Variants in CCNH observed in about 807,000 individuals in gnomAD.
The protein encoded by CCNH is cyclin-H.
CCNH carries 31 observed loss-of-function variants against 41.9 expected under a neutral mutation model. The observed-to-expected ratio is 0.74, with a 90% CI of 0.56 to 1.00. The LOEUF is 1.00. Ranked by LOEUF, CCNH falls within the 50% of genes least tolerant of loss-of-function variation. The pLI is 0.00. For missense variants in CCNH, 362 were observed against 388.4 expected (o/e 0.93, Z 0.57); for synonymous variants, 138 against 136.1 (o/e 1.01, Z -0.10).
At chr5:87,410,494 A>C (rs879493197) in intron 2 of CCNH, among the ~76,000 whole-genome samples, 1 of 152,168 alleles carries the variant, frequency 6.6e-6, no homozygotes, top group Admixed American at 6.5e-5. Context: ...TTTCCTAGAA[A>C]ATTATTCTCT....
At chr5:87,313,867 G>C (rs142301470), downstream of CCNH, among the ~76,000 whole-genome samples, 11 of 152,214 alleles carry the variant, frequency 7.2e-5, no homozygotes, top group African/African-American at 2.6e-4. Flanking sequence ...GATCAAAGAG[G>C]TCTGAAAATG....
intron 9 of CCNH, among the ~76,000 whole-genome samples, chr5:87,347,892 T>C (rs1209798157): frequency 6.6e-6 from 1 of 152,004 alleles, no homozygotes; most frequent in Non-Finnish European, 1.5e-5. Flanking sequence ...CTTGAGGTAC[T>C]TTTGTTTTAA....
At chr5:87,363,280 T>C in intron 9 of CCNH, 1 of 1,352,832 alleles carries the variant, frequency 7.4e-7, no homozygotes, top group Non-Finnish European at 1.0e-6. Context: ...TTAGAAACAC[T>C]AATTTTAATA....
upstream of CCNH, among the ~76,000 whole-genome samples, chr5:87,381,877 C>T (rs1238551963): frequency 6.6e-6 from 1 of 152,168 alleles, no homozygotes; most frequent in South Asian, 2.1e-4. Flanking sequence ...CATAGACCTA[C>T]TATGTATAAT....
intron 9 of CCNH, among the ~76,000 whole-genome samples, chr5:87,356,383 A>AGTTT (rs1554047341): frequency 7.1e-6 from 1 of 141,722 alleles, no homozygotes; most frequent in African/African-American, 2.6e-5. Context: ...GATGATTGTT[A>AGTTT]TTTTTTTTTT....
chr5:87,378,327 T>G (rs34110590), upstream of CCNH: 45,008 of 1,555,348 alleles, frequency 0.029, 822 homozygotes, highest in Non-Finnish European at 0.035. Flanking sequence ...ATGAATTCAC[T>G]TAATTTCCAA....
intron 9 of CCNH, among the ~76,000 whole-genome samples, chr5:87,348,580 T>C (rs1759027990): frequency 1.3e-5 from 2 of 152,020 alleles, no homozygotes; most frequent in African/African-American, 2.4e-5. Flanking sequence ...ATTTCAGTTG[T>C]TTTGAATCTA....
intron 9 of CCNH, among the ~76,000 whole-genome samples, chr5:87,323,249 A>C (rs1487699878): frequency 6.6e-6 from 1 of 152,208 alleles, no homozygotes; most frequent in Non-Finnish European, 1.5e-5. Context: ...AAATAGGAGA[A>C]ACACTTTGAG....
upstream of CCNH, chr5:87,380,428 G>A (rs141902093): frequency 5.7e-4 from 702 of 1,232,208 alleles, 4 homozygotes; most frequent in African/African-American, 9.4e-3. Context: ...TGGTATATTT[G>A]GGTAAATTAA....
downstream of CCNH, among the ~76,000 whole-genome samples, chr5:87,375,639 A>G (rs1402640774): frequency 6.6e-6 from 1 of 152,200 alleles, no homozygotes; most frequent in African/African-American, 2.4e-5. Flanking sequence ...TATGTCACTT[A>G]TTCACTTCTG....
intron 4 of CCNH, among the ~76,000 whole-genome samples, chr5:87,405,511 C>T (rs576928904): frequency 6.6e-6 from 1 of 152,190 alleles, no homozygotes; most frequent in African/African-American, 2.4e-5. Flanking sequence ...ATAAAATAAA[C>T]TATAAATCCT....
chr5:87,344,163 A>G (rs137891343), intron 9 of CCNH, among the ~76,000 whole-genome samples: 11 of 152,244 alleles, frequency 7.2e-5, no homozygotes, highest in South Asian at 4.1e-4. Context: ...TGGATATTTA[A>G]AAATAACTAA....
chr5:87,377,053 C>T (rs1314481491), exon 1 of CCNH: 3 of 1,609,810 alleles, frequency 1.9e-6, no homozygotes, highest in Non-Finnish European at 1.7e-6. Flanking sequence ...ATGGTATGGC[C>T]ATGTTAGTGT....
chr5:87,345,414 G>A (rs766344607), intron 9 of CCNH, among the ~76,000 whole-genome samples: 3 of 152,092 alleles, frequency 2.0e-5, no homozygotes, highest in African/African-American at 7.2e-5. Flanking sequence ...GTCAGGTCAT[G>A]TAGTTGACTG....
intron 9 of CCNH, chr5:87,385,286 C>T (rs771148834): frequency 1.3e-6 from 2 of 1,559,598 alleles, no homozygotes; most frequent in South Asian, 1.1e-5. Flanking sequence ...TTAGCTGTGC[C>T]CAATTCTGTT....
chr5:87,370,019 A>G, intron 9 of CCNH: 1 of 868,536 alleles, frequency 1.2e-6, no homozygotes, highest in Non-Finnish European at 1.8e-6. Context: ...AAATCTAATC[A>G]TCTCTTATTT....
intron 9 of CCNH, among the ~76,000 whole-genome samples, chr5:87,344,448 T>G (rs1050020095): frequency 2.0e-5 from 3 of 152,202 alleles, no homozygotes; most frequent in African/African-American, 7.2e-5. Flanking sequence ...CGTTTACTAC[T>G]CCTAGCACTT....
intron 9 of CCNH, among the ~76,000 whole-genome samples, chr5:87,338,550 T>TA (rs1561292617): frequency 3.6e-5 from 5 of 139,858 alleles, no homozygotes; most frequent in African/African-American, 7.8e-5. Context: ...TTTTTTTTTT[T>TA]AAGTAGAAAT....
chr5:87,408,163 C>T lies in CCNH; in HGVS notation c.338G>A (p.Cys113Tyr). The T allele has an allele frequency of 6.3e-7, 1 of 1,591,100 alleles. No homozygotes were observed. Among genetic ancestry groups the T allele is most frequent in the South Asian group, 1.1e-5 (1 of 87,918 alleles). ...IIMLTCAFLACKVDEFNVSSP... is the reference protein window; with the variant it reads ...IIMLTCAFLAYKVDEFNVSSP... ...AGATACATTGAATTCATCTACTTTG[C>T]AGGCCAAAAATGCACAAGTGAGCCT... Residue 113 changes from cysteine (C) to tyrosine (Y), a missense_variant, in exon 4 of 9, where the codon TGC (cysteine) becomes TAC (tyrosine). Cys to Tyr is a radical substitution (Grantham distance 194, BLOSUM62 -2). Coordinates refer to ENST00000256897, the MANE Select transcript of CCNH (RefSeq NM_001239.4).
Sources: allele counts gnomAD v4.1 joint callset (sites outside exome capture counted in the v4.1 genomes callset), GRCh38; gene constraint gnomAD v4.1.1; transcripts MANE v1.5; gene names NCBI Gene and HGNC (gene_info 2026-07-23, HGNC 2026-07-21).